PPHLN1: variants seen among roughly 807,000 people sequenced by gnomAD.
PPHLN1 encodes periphilin-1.
A neutral mutation model predicts 51.3 loss-of-function variants in PPHLN1; 29 were observed. The observed-to-expected ratio is 0.57, with a 90% CI of 0.42 to 0.77. The LOEUF (loss-of-function observed/expected upper bound fraction) is 0.77, where lower values mean the gene tolerates loss of function less well. PPHLN1 is among the 30% of genes least tolerant of loss of function. The pLI is 0.00. For missense variants in PPHLN1, 436 were observed against 438.4 expected, an observed-to-expected ratio of 0.99 and a Z score of 0.05; for synonymous variants, 147 against 147.8, an observed-to-expected ratio of 0.99 and a Z score of 0.04.
At chr12:42,359,650 T>C (rs2138402765) in intron 4 of PPHLN1, 1 of 152,328 alleles carries the variant, frequency 6.6e-6, no homozygotes, top group Non-Finnish European at 1.5e-5. Context: ...AGAAAATAGC[T>C]GTTGTTGTAG....
intron 1 of PPHLN1, chr12:42,331,808 A>T (rs1403145039): frequency 6.6e-6 from 1 of 152,208 alleles, no homozygotes; most frequent in Non-Finnish European, 1.5e-5. Flanking sequence ...AGTACCATCG[A>T]AACTGCACTG....
chr12:42,398,745 G>A, intron 8 of PPHLN1, 109 bp from the exon 9 acceptor site: 1 of 908,244 alleles, frequency 1.1e-6, no homozygotes. Flanking sequence ...CTTAAAACAT[G>A]TTAAATCTAG....
Position 42,441,288 on chromosome 12 carries a change from C to T in PPHLN1, c.910-27C>T, listed in dbSNP as rs1247950458. 5 of 1,575,386 alleles carry T rather than the reference C, an allele frequency of 3.2e-6. No homozygotes were observed. The African/African-American group carries it at 5.4e-5, about 17-fold the overall frequency. ...TTTGGCTAGTTATTTTCATTCTCAG[C>T]TAACCAGAATGTGTTTTACCTTTTA... On this transcript the variant is annotated intron_variant, in intron 9 of 9. Transcript: ENST00000358314.
rs1322192172 is a variant in PPHLN1 at position 42,352,019 on chromosome 12, T to C, written c.207T>C (p.His69=). The C allele has an allele frequency of 6.5e-7, 1 of 1,545,390 alleles. No individual in the cohort carries two copies. The highest frequency in any genetic ancestry group is 8.7e-7 in the Non-Finnish European group (1 of 1,152,734). The change falls in exon 3 of 10, where the codon CAT becomes CAC. Residue 69 remains histidine, a synonymous_variant. Coordinates refer to ENST00000358314, the MANE Select transcript of PPHLN1 (RefSeq NM_201439.2). ...ATGACGAGGGCCGCAGTTTTTCTCA[T>C]GATCGAAGAAGTGGTCCACCTCACA... The part of the protein sequence containing the change: ...RDYDEGRSFS[H]DRRSGPPHRG...
intron 8 of PPHLN1, among the ~76,000 whole-genome samples, chr12:42,395,793 T>C (rs1245627100): frequency 6.6e-6 from 1 of 152,198 alleles, no homozygotes. Context: ...TCAGAAACAT[T>C]GTGTAAATTT....
intron 4 of PPHLN1, among the ~76,000 whole-genome samples, chr12:42,355,835 T>C (rs1309020434): frequency 6.6e-6 from 1 of 152,170 alleles, no homozygotes; most frequent in African/African-American, 2.4e-5. Context: ...ATTATGAGGT[T>C]TGCTTAATTA....
chr12:42,418,918 CTAAG>C (rs1327734344), intron 9 of PPHLN1, among the ~76,000 whole-genome samples: 1 of 152,040 alleles, frequency 6.6e-6, no homozygotes, highest in Non-Finnish European at 1.5e-5. Context: ...TTAATGCTTT[CTAAG>C]TATTAAGTGC....
chr12:42,350,539 C>G (rs372416950), intron 2 of PPHLN1, among the ~76,000 whole-genome samples: 2 of 152,034 alleles, frequency 1.3e-5, no homozygotes, highest in African/African-American at 4.8e-5. Context: ...CAGGCAGAGA[C>G]GCTCCTCACT....
intron 1 of PPHLN1, among the ~76,000 whole-genome samples, chr12:42,330,172 C>T (rs1565716031): frequency 6.6e-6 from 1 of 152,222 alleles, no homozygotes; most frequent in African/African-American, 2.4e-5. Flanking sequence ...AGCATTGCCA[C>T]CAGCATATCT....
At chr12:42,332,710 T>C in intron 1 of PPHLN1, 2 of 1,445,522 alleles carry the variant, frequency 1.4e-6, no homozygotes, top group East Asian at 2.3e-5. Flanking sequence ...CAAGTAAGTA[T>C]AGTATAGTAG....
chr12:42,429,417 T>C (rs1011169239), intron 9 of PPHLN1, among the ~76,000 whole-genome samples: 10 of 152,240 alleles, frequency 6.6e-5, no homozygotes, highest in Admixed American at 4.6e-4. Flanking sequence ...CAGTCTACTA[T>C]CTTTCCCAAA....
downstream of PPHLN1, chr12:42,446,016 T>TG: frequency 6.5e-7 from 1 of 1,543,730 alleles, no homozygotes; most frequent in South Asian, 1.2e-5. Flanking sequence ...CATACCATAG[T>TG]GGGGCTAGGA....
At chr12:42,350,824 C>G (rs1162148467) in intron 2 of PPHLN1, among the ~76,000 whole-genome samples, 1 of 151,988 alleles carries the variant, frequency 6.6e-6, no homozygotes, top group Non-Finnish European at 1.5e-5. Context: ...ACCAGTCAGG[C>G]ATGGCGGCGC....
At chr12:42,328,772 C>A (rs560010665) in intron 1 of PPHLN1, among the ~76,000 whole-genome samples, 1 of 152,048 alleles carries the variant, frequency 6.6e-6, no homozygotes, top group South Asian at 2.1e-4. Flanking sequence ...TGCAGTGGCA[C>A]GATCATGGCT....
At chr12:42,357,484 C>A (rs2074173347) in intron 4 of PPHLN1, among the ~76,000 whole-genome samples, 2 of 152,104 alleles carry the variant, frequency 1.3e-5, no homozygotes, top group South Asian at 4.1e-4. Context: ...GGTACAGTAG[C>A]AGTGGCATTA....
chr12:42,329,318 T>A (rs372612824), intron 1 of PPHLN1, among the ~76,000 whole-genome samples: 1 of 151,870 alleles, frequency 6.6e-6, no homozygotes, highest in South Asian at 2.1e-4. Flanking sequence ...TGTTAGCCAG[T>A]ATGGTCTCGA....
chr12:42,431,798 CT>C, intron 9 of PPHLN1: 2 of 1,206,210 alleles, frequency 1.7e-6, no homozygotes, highest in Non-Finnish European at 2.5e-6. Flanking sequence ...TATTTATTGC[CT>C]TTTCTGAAGG....
At chr12:42,417,076 C>G (rs550992741) in intron 9 of PPHLN1, among the ~76,000 whole-genome samples, 1 of 152,180 alleles carries the variant, frequency 6.6e-6, no homozygotes, top group East Asian at 1.9e-4. Flanking sequence ...TAATGAGAGC[C>G]TAAGTTAAAT....
chr12:42,355,102 A>G (rs2073879879), intron 3 of PPHLN1, 59 bp from the exon 4 acceptor site: 5 of 1,489,788 alleles, frequency 3.4e-6, no homozygotes, highest in Non-Finnish European at 4.7e-6. Flanking sequence ...ATTGTTAGAT[A>G]TGTCCCACTT....
Sources: gnomAD v4.1 joint callset for allele counts (sites outside exome capture counted in the v4.1 genomes callset) on GRCh38, gnomAD v4.1.1 for gene constraint, MANE v1.5 for transcripts, NCBI Gene and HGNC (gene_info 2026-07-23, HGNC 2026-07-21) for gene names.